WNT3A: variants seen among roughly 807,000 people sequenced by gnomAD.
WNT3A encodes the protein Wnt family member 3A.
Under a neutral mutation model 37.0 loss-of-function variants are expected in WNT3A, and 17 were observed. The observed-to-expected ratio is 0.46, with a 90% CI of 0.31 to 0.69. WNT3A has a LOEUF of 0.69. WNT3A is among the 30% of genes least tolerant of loss of function. The pLI, the probability that WNT3A is intolerant of heterozygous loss-of-function variation, is 0.05. For missense variants in WNT3A, 411 were observed against 510.2 expected (o/e 0.81, Z 1.87); for synonymous variants, 187 against 211.0 (o/e 0.89, Z 0.99).
intron 2 of WNT3A, among the ~76,000 whole-genome samples, chr1:228,048,587 C>G (rs1284522100): frequency 6.6e-6 from 1 of 152,176 alleles, no homozygotes; most frequent in Non-Finnish European, 1.5e-5. Flanking sequence ...TTTTTTGAGA[C>G]AGGTTCTCAC....
Position 228,059,418 on chromosome 1 carries a change from A to G in WNT3A, c.1012A>G (p.Ser338Gly). ...CGTGTTCCACTGGTGCTGCTACGTC[A>G]GCTGCCAGGAGTGCACGCGCGTCTA... is the stretch of plus-strand genomic sequence containing the variant. The part of the protein sequence containing the change: ...RCVFHWCCYV[S>G]CQECTRVYDV... The change falls in exon 4 of 4, where the codon AGC becomes GGC. Residue 338 changes from serine (S) to glycine (G), a missense_variant. Ser to Gly is a moderately conservative substitution (Grantham distance 56). Coordinates refer to ENST00000284523, the MANE Select transcript of WNT3A (RefSeq NM_033131.4). 1.3e-6 allele frequency: 2 copies of G among 1,545,230 alleles called. No homozygotes were observed. Among genetic ancestry groups the G allele is most frequent in the African/African-American group, 2.7e-5 (2 of 73,450 alleles).
chr1:228,013,067 G>T (rs1414009444), intron 1 of WNT3A, among the ~76,000 whole-genome samples: 1 of 152,104 alleles, frequency 6.6e-6, no homozygotes, highest in Non-Finnish European at 1.5e-5. Context: ...TTGTAGAGAT[G>T]GGTTTCTCTC....
At chr1:228,057,069 A>G (rs2031696927) in intron 3 of WNT3A, among the ~76,000 whole-genome samples, 1 of 152,238 alleles carries the variant, frequency 6.6e-6, no homozygotes, top group Non-Finnish European at 1.5e-5. Flanking sequence ...CATCTTGAAG[A>G]GAATATGTAG....
chr1:228,018,195 T>A (rs1446586878), intron 1 of WNT3A, among the ~76,000 whole-genome samples: 1 of 152,126 alleles, frequency 6.6e-6, no homozygotes, highest in African/African-American at 2.4e-5. Context: ...CCCCACTCAC[T>A]GCAGCCAATA....
chr1:228,022,794 GC>G lies in WNT3A; in HGVS notation c.201del (p.Glu68ArgfsTer57). 6.2e-7 allele frequency: 1 copy of G among 1,614,162 alleles called. No individual in the cohort carries two copies. The highest frequency in any genetic ancestry group is 8.5e-7 in the Non-Finnish European group (1 of 1,180,044). ...CTACGTGGAGATCATGCCCAGCGTG[GC>G]CGAGGGCATCAAGATTGGCATCCAG... Reference protein sequence around the residue: ...RNYVEIMPSVAEGIKIGIQEC... With the variant: ...RNYVEIMPSVXEGIKIGIQEC... On this transcript the variant is annotated frameshift_variant, in exon 2 of 4. Coordinates refer to ENST00000284523, the MANE Select transcript of WNT3A (RefSeq NM_033131.4). LOFTEE classifies it high-confidence loss of function.
At chr1:228,029,466 G>A (rs576137302) in intron 2 of WNT3A, among the ~76,000 whole-genome samples, 2 of 152,324 alleles carry the variant, frequency 1.3e-5, no homozygotes, top group African/African-American at 4.8e-5. Context: ...AGACTTTGGA[G>A]ACCATGGTGC....
At chr1:228,048,171 G>A (rs2031467278) in intron 2 of WNT3A, among the ~76,000 whole-genome samples, 1 of 152,184 alleles carries the variant, frequency 6.6e-6, no homozygotes, top group Non-Finnish European at 1.5e-5. Context: ...GGAGGACCCT[G>A]GCTCCAGGAG....
At chr1:228,022,101 TA>T (rs1368994534) in intron 1 of WNT3A, among the ~76,000 whole-genome samples, 1 of 152,154 alleles carries the variant, frequency 6.6e-6, no homozygotes, top group Admixed American at 6.5e-5. Context: ...TAGAAAAAAT[TA>T]AATAGCCAGC....
At chr1:228,053,271 A>G (rs976791053) in intron 3 of WNT3A, among the ~76,000 whole-genome samples, 4 of 152,222 alleles carry the variant, frequency 2.6e-5, no homozygotes, top group African/African-American at 9.6e-5. Context: ...GCATTGACTA[A>G]GACAGATAGC....
intron 2 of WNT3A, among the ~76,000 whole-genome samples, chr1:228,045,720 G>T (rs762974256): frequency 3.9e-5 from 6 of 152,186 alleles, no homozygotes; most frequent in Admixed American, 2.0e-4. Flanking sequence ...GGAGAGGTGC[G>T]GAGGAGGTGG....
intron 2 of WNT3A, among the ~76,000 whole-genome samples, chr1:228,049,346 T>C (rs1023562915): frequency 1.3e-5 from 2 of 152,218 alleles, no homozygotes. Flanking sequence ...TTCGTTCAGT[T>C]GTATGATTAT....
In WNT3A at chr1:228,061,093, G is replaced by C. The variant is rs545247052; in HGVS notation, c.*1628G>C. ...GTTGCCTCATGGCCAGCGCCCCTCA[G>C]CCTCTGCCACTGTGAACCGGCTCCC... On this transcript the variant is annotated 3_prime_UTR_variant, in exon 4 of 4. Coordinates refer to ENST00000284523, the MANE Select transcript of WNT3A (RefSeq NM_033131.4). The C allele has an allele frequency of 2.0e-4, 30 of 152,852 alleles. No individual in the cohort carries two copies. Among genetic ancestry groups the C allele is most frequent in the African/African-American group, 7.2e-4 (30 of 41,596 alleles). 9.5% of individuals were successfully genotyped at this position (152,852 alleles called of 1,614,324 possible).
chr1:228,045,638 G>C (rs759228311), intron 2 of WNT3A, among the ~76,000 whole-genome samples: 1 of 152,238 alleles, frequency 6.6e-6, no homozygotes, highest in South Asian at 2.1e-4. Flanking sequence ...GGCCCCTCCA[G>C]GCCTGTCTGT....
Position 228,049,854 on chromosome 1 carries a change from T to G in WNT3A, c.314-802T>G, listed in dbSNP as rs565386416. ...ATGCTGGAGTGTGACTATAGCTCAC[T>G]GCAGCCTCAAACTCCTGGGCTCTAG... On this transcript the variant is annotated intron_variant, in intron 2 of 3. Coordinates refer to ENST00000284523, the MANE Select transcript of WNT3A (RefSeq NM_033131.4). 1.2e-4 allele frequency among the ~76,000 whole-genome samples: 18 copies of G among 152,290 alleles called. 1 individual carries two copies. The East Asian group carries it at 3.3e-3, about 28-fold the overall frequency.
intron 3 of WNT3A, among the ~76,000 whole-genome samples, chr1:228,052,286 G>A (rs540254222): frequency 6.6e-6 from 1 of 152,052 alleles, no homozygotes; most frequent in Non-Finnish European, 1.5e-5. Context: ...TGGGACTATA[G>A]GCGCATGCCA....
chr1:228,007,381 G>T lies in WNT3A; in HGVS notation c.71+182G>T, dbSNP rs954321509. Among the ~76,000 whole-genome samples, 1 of 152,158 alleles carries T rather than the reference G, an allele frequency of 6.6e-6. No homozygotes were observed. The highest frequency in any genetic ancestry group is 2.4e-5 in the African/African-American group (1 of 41,456). On this transcript the variant is annotated intron_variant, in intron 1 of 3. Coordinates refer to ENST00000284523, the MANE Select transcript of WNT3A (RefSeq NM_033131.4). This position sits in a 1 kb window ranked among gnomAD's most constrained non-coding sequence, Gnocchi z 6.0. Reference sequence around the variant, plus strand: ...TTGGACCTGTTCAGGCCGCTGGGACGCGTGGGTGGCGGAGTTTCCGGAGAC... The same window carrying T: ...TTGGACCTGTTCAGGCCGCTGGGACTCGTGGGTGGCGGAGTTTCCGGAGAC...
At chr1:228,034,215 TCACACCACTA>T (rs2031083500) in intron 2 of WNT3A, among the ~76,000 whole-genome samples, 1 of 152,078 alleles carries the variant, frequency 6.6e-6, no homozygotes, top group Non-Finnish European at 1.5e-5. Context: ...TGAGCTGAGA[TCACACCACTA>T]CACTCCAGCC....
rs189432915 is a variant in WNT3A at position 228,054,488 on chromosome 1, C to T, written c.579+3567C>T. Among the ~76,000 whole-genome samples, 894 of 151,798 alleles carry T rather than the reference C, an allele frequency of 5.9e-3. 10 individuals are homozygous for T. The highest frequency in any genetic ancestry group is 0.021 in the African/African-American group (864 of 41,392). ...AAAATAACAAAAAAAATTAGCCAGG[C>T]GTGGTGGCAGGTGCCTGTAGTCCCA... is the stretch of plus-strand genomic sequence containing the variant. On this transcript the variant is annotated intron_variant, in intron 3 of 3. Coordinates refer to ENST00000284523, the MANE Select transcript of WNT3A (RefSeq NM_033131.4).
Position 228,011,665 on chromosome 1 carries a change from C to T in WNT3A, c.71+4466C>T, listed in dbSNP as rs181712355. On this transcript the variant is annotated intron_variant, in intron 1 of 3. Transcript: ENST00000284523. The stretch of plus-strand genomic sequence containing the variant: ...TCTCTTTTCATCTCTGTCTTTCTGT[C>T]TTTTGCAGTCTCTGCCTCTCGTCTC... Among the ~76,000 whole-genome samples, 530 of 152,352 alleles carry T rather than the reference C, an allele frequency of 3.5e-3. 4 individuals are homozygous for T. Among genetic ancestry groups the T allele is most frequent in the African/African-American group, 0.012 (503 of 41,578 alleles).
Sources: gnomAD v4.1 joint callset for allele counts (sites outside exome capture counted in the v4.1 genomes callset) on GRCh38, gnomAD v4.1.1 for gene constraint, Gnocchi (gnomAD v3.1) non-coding constraint, MANE v1.5 for transcripts, NCBI Gene and HGNC (gene_info 2026-07-23, HGNC 2026-07-21) for gene names.